Variants in MAML3 observed in about 807,000 individuals in gnomAD.
The protein encoded by MAML3 is mastermind-like protein 3.
In MAML3, 27 loss-of-function variants were observed where a neutral mutation model predicts 101.9. The ratio of observed to expected loss-of-function variants is 0.27; its 90% CI spans 0.20 to 0.37. MAML3 has a LOEUF of 0.37. MAML3 is among the 10% of genes least tolerant of loss of function. MAML3 has a pLI of 1.00. For synonymous variants in MAML3, 501 were observed against 555.9 expected (o/e 0.90, Z 1.39); for missense variants, 1,316 against 1,444.9 (o/e 0.91, Z 1.45).
intron 1 of MAML3, among the ~76,000 whole-genome samples, chr4:139,997,650 C>T (rs1233916052): frequency 6.6e-6 from 1 of 152,130 alleles, no homozygotes; most frequent in East Asian, 1.9e-4. Context: ...AGTGCTATTT[C>T]TTCCTATGGA....
chr4:139,856,925 T>C lies in MAML3; in HGVS notation c.2079+32432A>G, dbSNP rs181207812. Among the ~76,000 whole-genome samples the C allele has an allele frequency of 3.6e-3, 552 of 152,312 alleles. 2 individuals carry two copies. Among genetic ancestry groups the C allele is most frequent in the African/African-American group, 0.012 (518 of 41,558 alleles). ...ACACAAAGGGGAAAGCAAAACTGTC[T>C]ATGTGGTTCTGAATTTTAATTGTAG... On this transcript the variant is annotated intron_variant, in intron 2 of 4. Coordinates refer to ENST00000509479, the MANE Select transcript of MAML3 (RefSeq NM_018717.5).
At chr4:139,848,577 CA>C (rs1731489885) in intron 2 of MAML3, among the ~76,000 whole-genome samples, 1 of 152,072 alleles carries the variant, frequency 6.6e-6, no homozygotes, top group South Asian at 2.1e-4. Flanking sequence ...CCAATCTGTA[CA>C]AATTATTTTT....
chr4:139,839,196 C>A (rs1330927651), intron 2 of MAML3, among the ~76,000 whole-genome samples: 1 of 152,176 alleles, frequency 6.6e-6, no homozygotes, highest in African/African-American at 2.4e-5. Flanking sequence ...CGCCCCTCCC[C>A]ACTCATCACA....
intron 1 of MAML3, among the ~76,000 whole-genome samples, chr4:139,913,578 T>A (rs1732971071): frequency 1.3e-5 from 2 of 152,136 alleles, no homozygotes; most frequent in African/African-American, 4.8e-5. Flanking sequence ...AAGAAAAAGC[T>A]GTCGGTTATG....
intron 2 of MAML3, among the ~76,000 whole-genome samples, chr4:139,763,674 A>G (rs1344438173): frequency 1.3e-5 from 2 of 152,212 alleles, no homozygotes; most frequent in Non-Finnish European, 2.9e-5. Flanking sequence ...CTGAGAGGGT[A>G]TATTTAGCCT....
At chr4:139,962,488 A>G (rs1438534380) in intron 1 of MAML3, among the ~76,000 whole-genome samples, 4 of 152,178 alleles carry the variant, frequency 2.6e-5, no homozygotes, top group Non-Finnish European at 5.9e-5. Context: ...TCCCCTTTTT[A>G]TGTGACAGCA....
intron 2 of MAML3, among the ~76,000 whole-genome samples, chr4:139,774,660 C>T (rs754141706): frequency 6.6e-5 from 10 of 152,010 alleles, no homozygotes; most frequent in Non-Finnish European, 8.8e-5. Flanking sequence ...AAAAAATTGA[C>T]GGAGGGGAGG....
At chr4:140,049,550 T>C (rs1727234433) in intron 1 of MAML3, among the ~76,000 whole-genome samples, 1 of 152,178 alleles carries the variant, frequency 6.6e-6, no homozygotes, top group Non-Finnish European at 1.5e-5. Flanking sequence ...ATTGTACTAT[T>C]AAGAGCAAGG....
chr4:139,803,036 T>C, intron 2 of MAML3, among the ~76,000 whole-genome samples: 1 of 152,186 alleles, frequency 6.6e-6, no homozygotes, highest in East Asian at 1.9e-4. Flanking sequence ...CCCCCTCCAA[T>C]ATCCAGATTT....
intron 1 of MAML3, among the ~76,000 whole-genome samples, chr4:140,144,289 G>A (rs554152468): frequency 3.3e-5 from 5 of 152,248 alleles, no homozygotes; most frequent in East Asian, 1.9e-4. Flanking sequence ...GCTTATGCCT[G>A]TAATCCCAAC....
At chr4:139,762,039 G>A (rs890248803) in intron 2 of MAML3, among the ~76,000 whole-genome samples, 1 of 152,222 alleles carries the variant, frequency 6.6e-6, no homozygotes, top group East Asian at 1.9e-4. Context: ...AGGGAGCCCA[G>A]TGTGGGTTTC....
At position 139,819,763 on chromosome 4, in the gene MAML3, C is replaced by A. The variant is rs140318567; in HGVS notation, c.2079+69594G>T. Among the ~76,000 whole-genome samples the A allele has an allele frequency of 1.6e-3, 238 of 152,330 alleles. 1 individual carries two copies. The highest frequency in any genetic ancestry group is 5.6e-3 in the African/African-American group (231 of 41,566). On this transcript the variant is annotated intron_variant, in intron 2 of 4. Transcript: ENST00000509479. ...TGCTTGACTCAGATTTCTCTCCAAT[C>A]TAATCCTACCCAGATCTGAAGACTT...
chr4:139,968,235 C>T (rs529299694), intron 1 of MAML3, among the ~76,000 whole-genome samples: 9 of 148,890 alleles, frequency 6.0e-5, no homozygotes, highest in African/African-American at 2.0e-4. Context: ...CACTGAACCT[C>T]GGAGGTGGAG....
chr4:139,732,293 A>C (rs1039540754), intron 2 of MAML3, among the ~76,000 whole-genome samples: 2 of 152,160 alleles, frequency 1.3e-5, no homozygotes, highest in African/African-American at 4.8e-5. Context: ...CCTGGATTTG[A>C]TTCCCTATGG....
intron 2 of MAML3, among the ~76,000 whole-genome samples, chr4:139,790,326 A>G (rs1485784004): frequency 6.7e-6 from 1 of 149,060 alleles, no homozygotes; most frequent in African/African-American, 2.5e-5. Flanking sequence ...AAATTAAAAA[A>G]ATTTCCTGAG....
At chr4:140,065,227 G>A (rs1013170306) in intron 1 of MAML3, among the ~76,000 whole-genome samples, 2 of 151,460 alleles carry the variant, frequency 1.3e-5, no homozygotes, top group African/African-American at 2.4e-5. Flanking sequence ...AGTGAGAGAT[G>A]TGAAAAGTAT....
chr4:139,763,425 G>A (rs558548464), intron 2 of MAML3, among the ~76,000 whole-genome samples: 5 of 152,268 alleles, frequency 3.3e-5, no homozygotes, highest in African/African-American at 1.2e-4. Context: ...CGAGAAGTAC[G>A]GAGCTAAAGA....
chr4:140,051,557 CAA>C (rs545993388), intron 1 of MAML3, among the ~76,000 whole-genome samples: 2 of 103,372 alleles, frequency 1.9e-5, no homozygotes, highest in Non-Finnish European at 2.1e-5. Flanking sequence ...GACTCAGTCT[CAA>C]AAAAAAAAAA....
intron 2 of MAML3, among the ~76,000 whole-genome samples, chr4:139,749,907 C>T (rs565634407): frequency 7.0e-6 from 1 of 142,786 alleles, no homozygotes; most frequent in Admixed American, 7.4e-5. Context: ...CCTATTCTGC[C>T]AAAAGTGGAA....
Sources: gnomAD v4.1 joint callset for allele counts (sites outside exome capture counted in the v4.1 genomes callset) on GRCh38, gnomAD v4.1.1 for gene constraint, MANE v1.5 for transcripts, NCBI Gene and HGNC (gene_info 2026-07-23, HGNC 2026-07-21) for gene names.